The following SNX29 variants were observed in gnomAD, a reference collection of about 807,000 sequenced individuals.
SNX29 encodes the protein sorting nexin 29, also known as sorting nexin-29.
SNX29 carries 78 observed loss-of-function variants against 102.1 expected under a neutral mutation model. The ratio of observed to expected loss-of-function variants is 0.76; its 90% CI spans 0.64 to 0.92. The LOEUF is 0.92. Ranked by LOEUF, SNX29 falls within the 40% of genes least tolerant of loss-of-function variation. SNX29 has a pLI of 0.00. For missense variants in SNX29, 1,280 were observed against 1,061.7 expected, an observed-to-expected ratio of 1.21 and a Z score of -2.86; for synonymous variants, 580 against 414.5, an observed-to-expected ratio of 1.40 and a Z score of -4.85.
At chr16:12,395,855 G>T (rs76866998) in intron 16 of SNX29, among the ~76,000 whole-genome samples, 1 of 152,318 alleles carries the variant, frequency 6.6e-6, no homozygotes, top group African/African-American at 2.4e-5. Context: ...CTAATATCTG[G>T]CTCCAGTCTT....
chr16:12,549,215 G>T (rs2077805572), intron 20 of SNX29, among the ~76,000 whole-genome samples: 2 of 152,332 alleles, frequency 1.3e-5, no homozygotes, highest in Admixed American at 6.5e-5. Flanking sequence ...GCTTGTGTCT[G>T]CCAGCCATGG....
intron 15 of SNX29, among the ~76,000 whole-genome samples, chr16:12,355,845 A>T (rs1260027564): frequency 1.5e-4 from 2 of 13,198 alleles, no homozygotes; most frequent in African/African-American, 1.3e-3. Context: ...GATCTTATTA[A>T]AAAAAAAAAA....
At chr16:12,373,675 A>G (rs2082770747) in intron 16 of SNX29, 1 of 152,124 alleles carries the variant, frequency 6.6e-6, no homozygotes, top group South Asian at 2.1e-4. Context: ...CCAGCACCTG[A>G]TACAGAGTAT....
intron 2 of SNX29, among the ~76,000 whole-genome samples, chr16:12,000,170 C>G (rs749308869): frequency 6.6e-6 from 1 of 152,142 alleles, no homozygotes; most frequent in Non-Finnish European, 1.5e-5. Flanking sequence ...TGGAAGTAAG[C>G]TTGGATGTGA....
chr16:12,490,190 C>T (rs1276463494), intron 19 of SNX29, among the ~76,000 whole-genome samples: 1 of 152,138 alleles, frequency 6.6e-6, no homozygotes, highest in African/African-American at 2.4e-5. Flanking sequence ...ATGAACACAC[C>T]TAGGCAAACA....
intron 19 of SNX29, among the ~76,000 whole-genome samples, chr16:12,508,386 G>A (rs959476037): frequency 1.3e-5 from 2 of 152,204 alleles, no homozygotes; most frequent in East Asian, 1.9e-4. Flanking sequence ...CTGTAGCAGC[G>A]GGGCCGCAAC....
rs981845495 is a variant in SNX29, at chr16:12,572,429, G to C, written c.*3800G>C. ...GGCTCTGTGGCCCAGGCCGGCAGTG[G>C]CTGCCTCTCTTGGTTCTGCATGGTA... On this transcript the variant is annotated 3_prime_UTR_variant, in exon 21 of 21. Coordinates refer to ENST00000566228, the MANE Select transcript of SNX29 (RefSeq NM_032167.5). 9.4e-7 allele frequency: 1 copy of C among 1,063,058 alleles called. No individual in the cohort carries two copies. The highest frequency in any genetic ancestry group is 1.1e-6 in the Non-Finnish European group (1 of 877,890). 65.9% of individuals were successfully genotyped at this position (1,063,058 alleles called of 1,614,324 possible).
intron 18 of SNX29, among the ~76,000 whole-genome samples, chr16:12,428,260 T>G (rs560515710): frequency 6.6e-6 from 1 of 152,328 alleles, no homozygotes; most frequent in East Asian, 1.9e-4. Context: ...TAAAATGTAA[T>G]TATTCTCCTT....
At chr16:12,265,050 A>G (rs2078885963) in intron 14 of SNX29, among the ~76,000 whole-genome samples, 1 of 152,226 alleles carries the variant, frequency 6.6e-6, no homozygotes, top group South Asian at 2.1e-4. Context: ...GAGCTGGTTT[A>G]AAAACAGCAT....
intron 11 of SNX29, among the ~76,000 whole-genome samples, chr16:12,125,608 T>C (rs1212225906): frequency 0.059 from 1,518 of 25,846 alleles, 172 homozygotes; most frequent in East Asian, 0.19. Flanking sequence ...GATCTCTCTT[T>C]TTTTTTTTTT....
intron 6 of SNX29, among the ~76,000 whole-genome samples, chr16:12,046,704 C>G (rs376834834): frequency 2.0e-5 from 3 of 152,244 alleles, no homozygotes; most frequent in African/African-American, 7.2e-5. Flanking sequence ...ACTGCAACCT[C>G]CGCCTCCTGG....
intron 15 of SNX29, among the ~76,000 whole-genome samples, chr16:12,281,545 A>G (rs1444312082): frequency 6.6e-6 from 1 of 152,236 alleles, no homozygotes. Context: ...TCTGGCAGGT[A>G]TACATTAATC....
At chr16:12,048,325 G>A in intron 6 of SNX29, 47 bp from the exon 7 acceptor site, 1 of 1,613,286 alleles carries the variant, frequency 6.2e-7, no homozygotes, top group Non-Finnish European at 8.5e-7. Flanking sequence ...TTGCTGGTAT[G>A]ACTGCCCATC....
chr16:12,128,999 CT>C (rs1178613037), intron 12 of SNX29, among the ~76,000 whole-genome samples: 2 of 152,164 alleles, frequency 1.3e-5, no homozygotes, highest in Non-Finnish European at 2.9e-5. Context: ...TGCCAGCCCC[CT>C]GTTGGAGGGT....
intron 15 of SNX29, among the ~76,000 whole-genome samples, chr16:12,348,123 G>C (rs1270415960): frequency 6.6e-6 from 1 of 152,128 alleles, no homozygotes. Context: ...TCAAAGACGT[G>C]TGATTCTTTA....
At chr16:12,013,043 A>C (rs974345386) in intron 3 of SNX29, among the ~76,000 whole-genome samples, 4 of 151,394 alleles carry the variant, frequency 2.6e-5, no homozygotes, top group Non-Finnish European at 5.9e-5. Context: ...GGTGAGATGG[A>C]ATCTGGGAGA....
chr16:12,500,577 T>C (rs2089068650), intron 19 of SNX29, among the ~76,000 whole-genome samples: 1 of 152,236 alleles, frequency 6.6e-6, no homozygotes, highest in Non-Finnish European at 1.5e-5. Flanking sequence ...AAATGTGGCT[T>C]GAGATGAACA....
chr16:12,214,796 A>G (rs2077278997), intron 14 of SNX29, among the ~76,000 whole-genome samples: 1 of 152,176 alleles, frequency 6.6e-6, no homozygotes, highest in African/African-American at 2.4e-5. Flanking sequence ...CCCCTGCTCC[A>G]GGAAGCCATC....
At chr16:12,038,433 G>C (rs1451950993) in intron 4 of SNX29, among the ~76,000 whole-genome samples, 2 of 152,296 alleles carry the variant, frequency 1.3e-5, no homozygotes, top group African/African-American at 4.8e-5. Flanking sequence ...CCTGGCACTT[G>C]TTCTTGTTGG....
Sources: gnomAD v4.1 joint callset for allele counts (sites outside exome capture counted in the v4.1 genomes callset) on GRCh38, gnomAD v4.1.1 for gene constraint, MANE v1.5 for transcripts, NCBI Gene and HGNC (gene_info 2026-07-23, HGNC 2026-07-21) for gene names.